Variants in CCDC32 observed in about 807,000 individuals in gnomAD.
CCDC32 encodes the protein coiled-coil domain-containing protein 32.
In CCDC32, 9 loss-of-function variants were observed where a neutral mutation model predicts 20.1. The ratio of observed to expected loss-of-function variants is 0.45; its 90% CI spans 0.27 to 0.78. CCDC32 has a LOEUF of 0.78. CCDC32 is among the 30% of genes least tolerant of loss of function. The probability of loss-of-function intolerance (pLI) is 0.16; values close to 1 mark genes in which losing one functional copy is unlikely to be tolerated. For synonymous variants in CCDC32, 63 were observed against 79.0 expected (o/e 0.80, Z 1.07); for missense variants, 204 against 215.5 (o/e 0.95, Z 0.33).
At chr15:40,564,629 G>A (rs915549619) in intron 1 of CCDC32, 1 of 1,221,436 alleles carries the variant, frequency 8.2e-7, no homozygotes, top group Admixed American at 1.9e-5. Context: ...CCAGGAGACA[G>A]AGCCCAGCCA....
At chr15:40,564,627 CAG>C in intron 1 of CCDC32, 1 of 1,201,270 alleles carries the variant, frequency 8.3e-7, no homozygotes, top group Non-Finnish European at 1.2e-6. Context: ...TGCCAGGAGA[CAG>C]AGCCCAGCCA....
intron 3 of CCDC32, among the ~76,000 whole-genome samples, chr15:40,539,841 CA>C (rs1353811071): frequency 2.5e-3 from 6 of 2,374 alleles, no homozygotes; most frequent in South Asian, 0.032. Flanking sequence ...AAACTGTTGC[CA>C]CACACACACA....
chr15:40,528,354 G>A (rs997096908), downstream of CCDC32, among the ~76,000 whole-genome samples: 1 of 152,186 alleles, frequency 6.6e-6, no homozygotes, highest in African/African-American at 2.4e-5. Context: ...CAGGGGGTGG[G>A]GGAGTCTGAG....
At chr15:40,564,812 C>T (rs1157774167) in intron 1 of CCDC32, 164 bp downstream of exon 1, 2 of 1,614,030 alleles carry the variant, frequency 1.2e-6, no homozygotes. Flanking sequence ...GCGTCCAGAA[C>T]CACGCAGGAA....
At chr15:40,536,563 C>T (rs1040132012), downstream of CCDC32, 5 of 152,322 alleles carry the variant, frequency 3.3e-5, no homozygotes. Context: ...TGTCTTGCAA[C>T]CAGCCTGGCA....
At chr15:40,532,271 C>T (rs1194338553), downstream of CCDC32, 1 of 702,802 alleles carries the variant, frequency 1.4e-6, no homozygotes, top group East Asian at 2.7e-5. Context: ...CATCAGGTGT[C>T]AAAGCAAATT....
chr15:40,528,820 T>G, intron 3 of CCDC32: 1 of 696,686 alleles, frequency 1.4e-6, no homozygotes, highest in South Asian at 1.5e-5. Flanking sequence ...AAAAGAAAAG[T>G]AAAAGAAAAC....
At chr15:40,563,098 C>A in intron 1 of CCDC32, 71 bp from the exon 2 acceptor site, 1 of 1,523,164 alleles carries the variant, frequency 6.6e-7, no homozygotes, top group South Asian at 1.3e-5. Flanking sequence ...CACAGTGGCT[C>A]ACGACTGTAA....
intron 2 of CCDC32, chr15:40,557,962 TG>T (rs1890363985): frequency 6.6e-6 from 1 of 152,270 alleles, no homozygotes; most frequent in East Asian, 1.9e-4. Flanking sequence ...TTTTTAAAGT[TG>T]CTCAACTTGT....
downstream of CCDC32, chr15:40,534,712 T>TACAAAA (rs1889034877): frequency 3.4e-6 from 2 of 588,298 alleles, no homozygotes; most frequent in African/African-American, 3.7e-5. Flanking sequence ...GAGAACTAGC[T>TACAAAA]AGGTCTCTGG....
chr15:40,539,043 CTT>C (rs1176631738), downstream of CCDC32: 156 of 591,124 alleles, frequency 2.6e-4, no homozygotes, highest in Non-Finnish European at 6.9e-5. Context: ...CTGTCTCTCT[CTT>C]GGCTCTCTCG....
chr15:40,549,859 G>C (rs1474289739), downstream of CCDC32, among the ~76,000 whole-genome samples: 1 of 152,160 alleles, frequency 6.6e-6, no homozygotes, highest in Non-Finnish European at 1.5e-5. Context: ...ATGTGGCTGG[G>C]GCTGTTCTCA....
chr15:40,529,058 A>G (rs1894936241), intron 3 of CCDC32, among the ~76,000 whole-genome samples: 1 of 152,240 alleles, frequency 6.6e-6, no homozygotes, highest in Non-Finnish European at 1.5e-5. Context: ...ACAGGCTTCC[A>G]GGGTCACAGA....
At chr15:40,558,589 C>T (rs1356620859) in intron 2 of CCDC32, among the ~76,000 whole-genome samples, 2 of 151,832 alleles carry the variant, frequency 1.3e-5, no homozygotes, top group Admixed American at 6.6e-5. Flanking sequence ...ATGCTGAGTC[C>T]CTGGTCAGGT....
At chr15:40,561,271 G>A (rs537664299) in intron 2 of CCDC32, among the ~76,000 whole-genome samples, 4 of 152,162 alleles carry the variant, frequency 2.6e-5, no homozygotes, top group South Asian at 4.2e-4. Context: ...TCAGGAGTTC[G>A]AGACCACTCT....
At chr15:40,528,003 C>A (rs1307346971), downstream of CCDC32, among the ~76,000 whole-genome samples, 2 of 152,212 alleles carry the variant, frequency 1.3e-5, no homozygotes, top group Non-Finnish European at 2.9e-5. Flanking sequence ...TCCCTGTGGC[C>A]TATCTTCAGT....
chr15:40,543,338 T>G (rs1329762578), intron 3 of CCDC32, among the ~76,000 whole-genome samples: 1 of 152,292 alleles, frequency 6.6e-6, no homozygotes, highest in Admixed American at 6.5e-5. Flanking sequence ...AGGGCGGGCA[T>G]GGAAACCACC....
downstream of CCDC32, among the ~76,000 whole-genome samples, chr15:40,549,152 A>T (rs139650640): frequency 4.9e-4 from 74 of 152,288 alleles, no homozygotes; most frequent in Non-Finnish European, 9.4e-4. Context: ...TGTAAATCTC[A>T]TCTTGTCACT....
intron 3 of CCDC32, among the ~76,000 whole-genome samples, chr15:40,554,861 A>G (rs1363201560): frequency 6.6e-6 from 1 of 152,174 alleles, no homozygotes; most frequent in Non-Finnish European, 1.5e-5. Context: ...AATAATGTAA[A>G]CCTTATTCTA....
Sources: allele counts gnomAD v4.1 joint callset (sites outside exome capture counted in the v4.1 genomes callset), GRCh38; gene constraint gnomAD v4.1.1; transcripts MANE v1.5; gene names NCBI Gene and HGNC (gene_info 2026-07-23, HGNC 2026-07-21).